FAM227A: variants seen among roughly 807,000 people sequenced by gnomAD.
FAM227A encodes the protein protein FAM227A.
A neutral mutation model predicts 74.7 loss-of-function variants in FAM227A; 80 were observed. The observed-to-expected ratio is 1.07, with a 90% CI of 0.89 to 1.29. The LOEUF (loss-of-function observed/expected upper bound fraction) is 1.29. FAM227A is among the 50% of genes most tolerant of loss of function. The pLI, the probability that FAM227A is intolerant of heterozygous loss-of-function variation, is 0.00. For missense variants in FAM227A, 654 were observed against 683.4 expected (o/e 0.96, Z 0.48); for synonymous variants, 237 against 241.8 (o/e 0.98, Z 0.19).
At chr22:38,609,821 G>C (rs565963483) in intron 11 of FAM227A, among the ~76,000 whole-genome samples, 1 of 152,006 alleles carries the variant, frequency 6.6e-6, no homozygotes, top group African/African-American at 2.4e-5. Flanking sequence ...GCCCAGGCTG[G>C]AGTGCAAGGG....
At chr22:38,597,002 T>C (rs2091058967) in intron 15 of FAM227A, among the ~76,000 whole-genome samples, 1 of 151,998 alleles carries the variant, frequency 6.6e-6, no homozygotes, top group Non-Finnish European at 1.5e-5. Context: ...AATGTTTTTG[T>C]AGTTAGAAAA....
intron 5 of FAM227A, among the ~76,000 whole-genome samples, chr22:38,637,355 T>C (rs1274530275): frequency 6.6e-6 from 1 of 152,172 alleles, no homozygotes; most frequent in Non-Finnish European, 1.5e-5. Context: ...GAGCATGTAG[T>C]TCCCCTCCCT....
chr22:38,613,991 A>G (rs975287286), intron 11 of FAM227A, among the ~76,000 whole-genome samples: 1 of 152,118 alleles, frequency 6.6e-6, no homozygotes, highest in African/African-American at 2.4e-5. Flanking sequence ...TCAGTCCCCC[A>G]AGTAGCTGGG....
At chr22:38,587,554 T>C (rs1314907538) in intron 16 of FAM227A, among the ~76,000 whole-genome samples, 1 of 152,148 alleles carries the variant, frequency 6.6e-6, no homozygotes, top group Admixed American at 6.5e-5. Flanking sequence ...CATAGACTTA[T>C]AACAAATAAA....
At chr22:38,620,519 A>G (rs1214937054) in intron 10 of FAM227A, among the ~76,000 whole-genome samples, 1 of 152,142 alleles carries the variant, frequency 6.6e-6, no homozygotes, top group Non-Finnish European at 1.5e-5. Context: ...TAATGTATGC[A>G]CAGGGCCGGC....
intron 11 of FAM227A, among the ~76,000 whole-genome samples, chr22:38,616,508 C>CA (rs911250372): frequency 1.3e-5 from 2 of 151,308 alleles, no homozygotes; most frequent in African/African-American, 4.9e-5. Flanking sequence ...ACTAAAAATA[C>CA]AAAAAAAATT....
chr22:38,638,996 G>C (rs1192940430), intron 4 of FAM227A, among the ~76,000 whole-genome samples, 174 bp from the exon 5 acceptor site: 1 of 152,160 alleles, frequency 6.6e-6, no homozygotes, highest in Non-Finnish European at 1.5e-5. Flanking sequence ...ACTTGATCCA[G>C]AGAAGCAGCA....
At chr22:38,632,345 G>A (rs186290339) in intron 6 of FAM227A, among the ~76,000 whole-genome samples, 12 of 152,288 alleles carry the variant, frequency 7.9e-5, no homozygotes, top group Admixed American at 6.5e-4. Flanking sequence ...AGGTGACTGG[G>A]TTAGAGGGCT....
At chr22:38,645,701 T>G in intron 2 of FAM227A, 56 bp from the exon 3 acceptor site, 1 of 1,159,336 alleles carries the variant, frequency 8.6e-7, no homozygotes, top group Non-Finnish European at 1.3e-6. Flanking sequence ...CACAACAGGA[T>G]GGGGCTTGTC....
intron 11 of FAM227A, 87 bp downstream of exon 11, chr22:38,620,125 C>T (rs967297026): frequency 2.4e-5 from 22 of 906,078 alleles, no homozygotes; most frequent in Admixed American, 1.1e-4. Flanking sequence ...TGCAACTAAC[C>T]GGAGGCCACT....
chr22:38,638,487 C>A (rs2092048347), intron 5 of FAM227A, among the ~76,000 whole-genome samples: 1 of 152,182 alleles, frequency 6.6e-6, no homozygotes, highest in Non-Finnish European at 1.5e-5. Context: ...TGGATTAGAC[C>A]TGAACATCTC....
At chr22:38,635,191 A>G (rs1387934079) in intron 6 of FAM227A, among the ~76,000 whole-genome samples, 1 of 143,240 alleles carries the variant, frequency 7.0e-6, no homozygotes, top group Non-Finnish European at 1.5e-5. Flanking sequence ...GCGCCACTGC[A>G]CTCTGTCCAG....
At chr22:38,654,469 C>G (rs1176413995) in intron 1 of FAM227A, among the ~76,000 whole-genome samples, 1 of 152,022 alleles carries the variant, frequency 6.6e-6, no homozygotes, top group Non-Finnish European at 1.5e-5. Flanking sequence ...CAAAATAGCA[C>G]TAGCTACATG....
At chr22:38,614,353 T>G (rs1167802054) in intron 11 of FAM227A, among the ~76,000 whole-genome samples, 7 of 152,128 alleles carry the variant, frequency 4.6e-5, no homozygotes, top group African/African-American at 1.7e-4. Context: ...CTCTAATAGG[T>G]GGGTGTCCTA....
chr22:38,650,912 A>C (rs1012391565), intron 1 of FAM227A, among the ~76,000 whole-genome samples: 26 of 152,160 alleles, frequency 1.7e-4, no homozygotes, highest in African/African-American at 6.3e-4. Flanking sequence ...ATAATACAGC[A>C]AAAGACTTAG....
intron 9 of FAM227A, among the ~76,000 whole-genome samples, chr22:38,625,460 C>G (rs893615297): frequency 6.6e-6 from 1 of 151,660 alleles, no homozygotes; most frequent in African/African-American, 2.4e-5. Context: ...GGGAGAGAAC[C>G]ATGATTGGCC....
rs1467086823 is a variant in FAM227A at position 38,638,734 on chromosome 22, T to A, written c.372+12A>T. The A allele has an allele frequency of 6.5e-7, 1 of 1,538,438 alleles. No individual in the cohort carries two copies. Among genetic ancestry groups the A allele is most frequent in the Non-Finnish European group, 8.8e-7 (1 of 1,135,236 alleles). ...AGCCGGTCAGAAACAGACACAGCAG[T>A]AGATCCCTTACCCTTTTTATAACAG... is the stretch of plus-strand genomic sequence containing the variant. On this transcript the variant is annotated intron_variant, in intron 5 of 16. Transcript: ENST00000535113.
intron 1 of FAM227A, among the ~76,000 whole-genome samples, chr22:38,655,010 G>A (rs1048995756): frequency 2.0e-5 from 3 of 151,052 alleles, no homozygotes; most frequent in Non-Finnish European, 4.4e-5. Flanking sequence ...CATGGTGGCG[G>A]GCGCCTGTAG....
intron 3 of FAM227A, among the ~76,000 whole-genome samples, chr22:38,640,250 G>A (rs1327201483): frequency 6.6e-6 from 1 of 152,092 alleles, no homozygotes; most frequent in Non-Finnish European, 1.5e-5. Context: ...AGCCAGGATG[G>A]TCTTGATCTC....
Sources: allele counts gnomAD v4.1 joint callset (sites outside exome capture counted in the v4.1 genomes callset), GRCh38; gene constraint gnomAD v4.1.1; transcripts MANE v1.5; gene names NCBI Gene and HGNC (gene_info 2026-07-23, HGNC 2026-07-21).